Variants in POLR2L observed in about 807,000 individuals in gnomAD.
POLR2L encodes RNA polymerase II, I and III subunit L.
Under a neutral mutation model 6.8 loss-of-function variants are expected in POLR2L, and 7 were observed. The observed-to-expected ratio is 1.03, with a 90% CI of 0.59 to 1.94. The LOEUF (loss-of-function observed/expected upper bound fraction) is 1.94. Ranked by LOEUF, POLR2L falls within the 30% of genes most tolerant of loss-of-function variation. POLR2L has a pLI of 0.00. For synonymous variants in POLR2L, 59 were observed against 39.8 expected (o/e 1.48, Z -1.82); for missense variants, 93 against 86.7 (o/e 1.07, Z -0.29).
chr11:842,174 G>A (rs1430818243), intron 1 of POLR2L, among the ~76,000 whole-genome samples: 5 of 152,238 alleles, frequency 3.3e-5, no homozygotes, highest in African/African-American at 9.6e-5. Context: ...AGAATCCCCA[G>A]GACACCACTG....
chr11:841,038 T>C (rs1254064923), intron 1 of POLR2L, among the ~76,000 whole-genome samples: 2 of 152,144 alleles, frequency 1.3e-5, no homozygotes, highest in African/African-American at 4.8e-5. Flanking sequence ...GGGACCTAGC[T>C]CCAGTCACCC....
At chr11:841,294 G>A (rs1846958667) in intron 1 of POLR2L, among the ~76,000 whole-genome samples, 1 of 152,218 alleles carries the variant, frequency 6.6e-6, no homozygotes, top group African/African-American at 2.4e-5. Flanking sequence ...GACTCAGTGG[G>A]CGAGGGTCAG....
At chr11:842,097 G>C (rs955942794) in intron 1 of POLR2L, among the ~76,000 whole-genome samples, 2 of 132,776 alleles carry the variant, frequency 1.5e-5, no homozygotes, top group Admixed American at 1.4e-4. Context: ...GGGCAGAGAT[G>C]GGAATAGGGC....
At position 842,431 on chromosome 11, in the gene POLR2L, C is replaced by G; in HGVS notation, c.78G>C (p.Gln26His). ...NKWEAYLGLLQAEYTEGDALD... is the reference protein window; with the variant it reads ...NKWEAYLGLLHAEYTEGDALD... ...CGCCTCACCCCTCGGTGTACTCGGC[C>G]TGCAGCAGCCCCAGGTAAGCCTCCC... Residue 26 changes from glutamine (Q) to histidine (H), a missense_variant, in exon 1 of 2, where the codon CAG (glutamine) becomes CAC (histidine). By Grantham distance (24) the Gln-to-His change is conservative. Transcript: ENST00000322028. The G allele has an allele frequency of 6.3e-7, 1 of 1,593,666 alleles. No individual in the cohort carries two copies. The highest frequency in any genetic ancestry group is 8.5e-7 in the Non-Finnish European group (1 of 1,172,096).
chr11:839,782 A>G lies in POLR2L; in HGVS notation c.*590T>C, dbSNP rs1009092306. The G allele has an allele frequency of 2.0e-5, 3 of 152,246 alleles. No homozygotes were observed. The highest frequency in any genetic ancestry group is 4.4e-5 in the Non-Finnish European group (3 of 68,120). The allele number at this position is 152,246 out of a possible 1,614,324, so 9.4% of individuals were successfully genotyped here. On this transcript the variant is annotated 3_prime_UTR_variant, in exon 2 of 2. Transcript: ENST00000322028. ...GCCTCAGCCCCGAGTGGCCGGGACT[A>G]CAGGTGTGAACACTGTGCCCAGCTA...
chr11:841,050 C>G (rs989786447), intron 1 of POLR2L, among the ~76,000 whole-genome samples: 1 of 152,238 alleles, frequency 6.6e-6, no homozygotes, highest in African/African-American at 2.4e-5. Context: ...CAGTCACCCT[C>G]AAGACCTCCA....
chr11:840,691 G>T (rs1846942347), intron 1 of POLR2L, among the ~76,000 whole-genome samples: 1 of 152,240 alleles, frequency 6.6e-6, no homozygotes, highest in African/African-American at 2.4e-5. Flanking sequence ...GGTGGAGCGT[G>T]AGGAGCCTCC....
chr11:841,833 G>T (rs1418858578), intron 1 of POLR2L, among the ~76,000 whole-genome samples: 2 of 152,114 alleles, frequency 1.3e-5, no homozygotes, highest in Admixed American at 1.3e-4. Flanking sequence ...CAGGAGGCGG[G>T]GGTTGCAGTG....
chr11:840,432 C>A lies in POLR2L; in HGVS notation c.144G>T (p.Met48Ile). ...LGLKRYCCRRMLLAHVDLIEK... is the reference protein window; with the variant it reads ...LGLKRYCCRRILLAHVDLIEK... The stretch of plus-strand genomic sequence containing the variant: ...CGATCAGGTCCACGTGGGCCAGCAG[C>A]ATCCGGCGGCAGCAGTAGCGCTTCA... The change falls in exon 2 of 2, where the codon ATG becomes ATT. Residue 48 changes from methionine to isoleucine, a missense_variant. Coordinates refer to ENST00000322028, the MANE Select transcript of POLR2L (RefSeq NM_021128.5). 6.2e-7 allele frequency: 1 copy of A among 1,612,280 alleles called. No homozygotes were observed.
chr11:841,086 A>G (rs1158322536), intron 1 of POLR2L, among the ~76,000 whole-genome samples: 1 of 152,190 alleles, frequency 6.6e-6, no homozygotes, highest in East Asian at 1.9e-4. Context: ...GATGGCTCCA[A>G]TGTGCAGAGA....
intron 1 of POLR2L, among the ~76,000 whole-genome samples, chr11:841,239 A>G (rs999620989): frequency 2.6e-5 from 4 of 152,202 alleles, no homozygotes; most frequent in East Asian, 1.9e-4. Flanking sequence ...CCAAGTGCCG[A>G]TGGCAGGCTG....
At position 840,246 on chromosome 11, in the gene POLR2L, G is replaced by A; in HGVS notation, c.*126C>T. On this transcript the variant is annotated 3_prime_UTR_variant, in exon 2 of 2. Transcript: ENST00000322028. Reference sequence around the variant, plus strand: ...TACTGGATGGTTCCTTCCAGAGTGGGGTATCGGATACACACACACTGCGGC... The same window carrying A: ...TACTGGATGGTTCCTTCCAGAGTGGAGTATCGGATACACACACACTGCGGC... The A allele has an allele frequency of 3.0e-6, 2 of 660,110 alleles. No homozygotes were observed. The highest frequency in any genetic ancestry group is 2.7e-5 in the East Asian group (1 of 36,896). The allele number at this position is 660,110 out of a possible 1,614,324, so 40.9% of individuals were successfully genotyped here.
In POLR2L at chr11:840,466, G is replaced by A. The variant is rs1223023141; in HGVS notation, c.110C>T (p.Ala37Val). The change falls in exon 2 of 2, where the codon GCC (alanine) becomes GTC (valine). Residue 37 changes from alanine to valine, a missense_variant. Transcript: ENST00000322028. ...AEYTEGDALD[A>V]LGLKRYCCRR... ...GCAGCAGTAGCGCTTCAGGCCCAGG[G>A]CATCCAGCGCATCCCTGTGTCGAGG... 1 of 1,609,272 alleles carries A rather than the reference G, an allele frequency of 6.2e-7. No individual in the cohort carries two copies. Among genetic ancestry groups the A allele is most frequent in the Non-Finnish European group, 8.5e-7 (1 of 1,177,860 alleles).
rs909373517 is a variant in POLR2L at position 840,272 on chromosome 11, C to G, written c.*100G>C. 5.4e-6 allele frequency: 4 copies of G among 736,076 alleles called. No individual in the cohort carries two copies. The African/African-American group carries it at 7.0e-5, about 13-fold the overall frequency. 45.6% of individuals were successfully genotyped at this position (736,076 alleles called of 1,614,324 possible). A position where few individuals can be genotyped will look rare whatever the true frequency, so the allele number is the denominator to read the frequency against. On this transcript the variant is annotated 3_prime_UTR_variant, in exon 2 of 2. Coordinates refer to ENST00000322028, the MANE Select transcript of POLR2L (RefSeq NM_021128.5). The stretch of plus-strand genomic sequence containing the variant: ...GTATCGGATACACACACACTGCGGC[C>G]AGGCATTACGCCAGCTCCCGGATGC...
rs111475993 is a variant in POLR2L at position 840,617 on chromosome 11, C to A, written c.96-137G>T. 1.8e-3 allele frequency: 1,110 copies of A among 630,566 alleles called. 6 individuals carry two copies. The Middle Eastern group carries it at 0.019, about 11-fold the overall frequency. The allele number at this position is 630,566 out of a possible 1,614,324, so 39.1% of individuals were successfully genotyped here. A position where few individuals can be genotyped will look rare whatever the true frequency, so the allele number is the denominator to read the frequency against. On this transcript the variant is annotated intron_variant, in intron 1 of 1. Coordinates refer to ENST00000322028, the MANE Select transcript of POLR2L (RefSeq NM_021128.5). ...CGGCAAGGCGAACAGATTCACCCGG[C>A]TCAGAAGCTGAGATCTAGCAGTATG...
Position 840,181 on chromosome 11 carries a change from C to G in POLR2L, c.*191G>C. The G allele has an allele frequency of 1.9e-6, 1 of 539,122 alleles. No homozygotes were observed. The highest frequency in any genetic ancestry group is 3.3e-5 in the East Asian group (1 of 29,972). 33.4% of individuals were successfully genotyped at this position (539,122 alleles called of 1,614,324 possible). A position where few individuals can be genotyped will look rare whatever the true frequency, so the allele number is the denominator to read the frequency against. On this transcript the variant is annotated 3_prime_UTR_variant, in exon 2 of 2. Coordinates refer to ENST00000322028, the MANE Select transcript of POLR2L (RefSeq NM_021128.5). ...TGGGCCTAGACCTGGCTCCTGACAT[C>G]CTAGTGAGGGCTGGGACCTTAGTGG...
Position 840,091 on chromosome 11 carries a change from C to T in POLR2L, c.*281G>A, listed in dbSNP as rs1846921585. On this transcript the variant is annotated 3_prime_UTR_variant, in exon 2 of 2. Transcript: ENST00000322028. The stretch of plus-strand genomic sequence containing the variant: ...CCTGCAGGGGTGCCTGTGGAACAGG[C>T]TGGCCCCAGGGCTAGGAGAGTTCAT... 3.0e-6 allele frequency: 1 copy of T among 334,016 alleles called. No homozygotes were observed. The highest frequency in any genetic ancestry group is 2.1e-5 in the African/African-American group (1 of 46,824). The allele number at this position is 334,016 out of a possible 1,614,324, so 20.7% of individuals were successfully genotyped here.
chr11:840,476 C>T lies in POLR2L; in HGVS notation c.100G>A (p.Ala34Thr), dbSNP rs918149660. 19 of 1,608,206 alleles carry T rather than the reference C, an allele frequency of 1.2e-5. No individual in the cohort carries two copies. Among genetic ancestry groups the T allele is most frequent in the African/African-American group, 4.0e-5 (3 of 74,838 alleles). The change falls in exon 2 of 2, where the codon GCG becomes ACG. Residue 34 changes from alanine to threonine, a missense_variant. Ala to Thr is a moderately conservative substitution (Grantham distance 58). Transcript: ENST00000322028. ...CGCTTCAGGCCCAGGGCATCCAGCGCATCCCTGTGTCGAGGGGAGGAGCAG... is the reference window on the plus strand; with the variant it reads ...CGCTTCAGGCCCAGGGCATCCAGCGTATCCCTGTGTCGAGGGGAGGAGCAG... The part of the protein sequence containing the change: ...LLQAEYTEGD[A>T]LDALGLKRYC...
chr11:840,520 A>G (rs1565121251), intron 1 of POLR2L, 40 bp from the exon 2 acceptor site: 1 of 1,419,290 alleles, frequency 7.0e-7, no homozygotes, highest in African/African-American at 1.4e-5. Context: ...TGAGTTCTCT[A>G]CGGTCTGCAA....
Sources: gnomAD v4.1 joint callset for allele counts (sites outside exome capture counted in the v4.1 genomes callset) on GRCh38, gnomAD v4.1.1 for gene constraint, MANE v1.5 for transcripts, NCBI Gene and HGNC (gene_info 2026-07-23, HGNC 2026-07-21) for gene names.